KCNK7: variants seen among roughly 807,000 people sequenced by gnomAD.
KCNK7 encodes potassium two pore domain channel subfamily K member 7.
In KCNK7, 14 loss-of-function variants were observed where a neutral mutation model predicts 18.1. The observed-to-expected ratio is 0.77, with a 90% CI of 0.51 to 1.21. The LOEUF is 1.21. Ranked by LOEUF, KCNK7 falls within the 50% of genes most tolerant of loss-of-function variation. KCNK7 has a pLI of 0.00. For synonymous variants in KCNK7, 188 were observed against 184.7 expected (o/e 1.02, Z -0.15); for missense variants, 385 against 387.3 (o/e 0.99, Z 0.05).
chr11:65,595,369 G>T, intron 1 of KCNK7, 85 bp downstream of exon 1: 1 of 1,215,848 alleles, frequency 8.2e-7, no homozygotes, highest in Non-Finnish European at 1.1e-6. Flanking sequence ...GGGGCTGAAG[G>T]AAGGGCTGCA....
Position 65,593,025 on chromosome 11 carries a change from C to G in KCNK7, c.904G>C (p.Gly302Arg). 1 of 1,613,348 alleles carries G rather than the reference C, an allele frequency of 6.2e-7. No individual in the cohort carries two copies. Among genetic ancestry groups the G allele is most frequent in the Non-Finnish European group, 8.5e-7 (1 of 1,179,936 alleles). The change falls in exon 3 of 3, where the codon GGA becomes CGA. Residue 302 changes from glycine (G) to arginine (R), a missense_variant. Gly to Arg is a moderately radical substitution (Grantham distance 125, BLOSUM62 -2). Transcript: ENST00000340313. ...ACGCTTCAGCAAGCAGGGGCTTGTC[C>G]TGAAGCTGGGGCCGCGGGCGGCAGG... ...STLPPAAPAS[G>R]QAPAC
In KCNK7 at chr11:65,595,594, G is replaced by A. The variant is rs1854336659; in HGVS notation, c.179C>T (p.Pro60Leu). 1 of 1,594,370 alleles carries A rather than the reference G, an allele frequency of 6.3e-7. No homozygotes were observed. The highest frequency in any genetic ancestry group is 1.7e-5 in the Admixed American group (1 of 58,442). Reference sequence around the variant, plus strand: ...GCCCAGCAGCTCTTCCAGAGCTCCGGGTGGCAGGCAGGCCCTATGCTCTGC... The same window carrying A: ...GCCCAGCAGCTCTTCCAGAGCTCCGAGTGGCAGGCAGGCCCTATGCTCTGC... ...FQAEHRACLPPGALEELLGTA... is the reference protein window; with the variant it reads ...FQAEHRACLPLGALEELLGTA... Residue 60 changes from proline (P) to leucine (L), a missense_variant, in exon 1 of 3, where the codon CCC becomes CTC. Pro to Leu is a moderately conservative substitution (Grantham distance 98). Coordinates refer to ENST00000340313, the MANE Select transcript of KCNK7 (RefSeq NM_033347.2).
rs1331992508 is a variant in KCNK7, at chr11:65,592,953, T to C, written c.*52A>G. 1.9e-6 allele frequency: 3 copies of C among 1,576,520 alleles called. No homozygotes were observed. Among genetic ancestry groups the C allele is most frequent in the African/African-American group, 1.3e-5 (1 of 74,206 alleles). Reference sequence around the variant, plus strand: ...TTCTTCCCCAGCCACTCCTGGCTGCTTCCTCCTCAGGTGCCGCCACCTTAC... The same window carrying C: ...TTCTTCCCCAGCCACTCCTGGCTGCCTCCTCCTCAGGTGCCGCCACCTTAC... On this transcript the variant is annotated 3_prime_UTR_variant, in exon 3 of 3. Coordinates refer to ENST00000340313, the MANE Select transcript of KCNK7 (RefSeq NM_033347.2).
chr11:65,593,539 G>A lies in KCNK7; in HGVS notation c.655C>T (p.Leu219=), dbSNP rs1858478220. ...SLSTIGLEDL[L]PGRGRSLHPV... ...TGCAGGCTGCGGCCGCGGCCGGGCA[G>A]CAAGTCCTCCAGGCCAATGGTGCTG... The change falls in exon 2 of 3, where the codon CTG becomes TTG. Residue 219 remains leucine (L), a synonymous_variant. Coordinates refer to ENST00000340313, the MANE Select transcript of KCNK7 (RefSeq NM_033347.2). 1.2e-6 allele frequency: 2 copies of A among 1,611,444 alleles called. No homozygotes were observed. Among genetic ancestry groups the A allele is most frequent in the Admixed American group, 1.7e-5 (1 of 59,994 alleles).
chr11:65,594,939 T>C (rs190242305), intron 1 of KCNK7, among the ~76,000 whole-genome samples: 1 of 151,916 alleles, frequency 6.6e-6, no homozygotes, highest in East Asian at 1.9e-4. Flanking sequence ...GGGCAAAAAA[T>C]ACGAAAACCC....
At chr11:65,593,243 G>T in intron 2 of KCNK7, 33 bp from the exon 3 acceptor site, 1 of 1,613,388 alleles carries the variant, frequency 6.2e-7, no homozygotes, top group Non-Finnish European at 8.5e-7. Flanking sequence ...GCAGCGCCTG[G>T]GTTCTGGTGA....
chr11:65,593,454 G>A lies in KCNK7; in HGVS notation c.718+22C>T, dbSNP rs149170823. Reference sequence around the variant, plus strand: ...GCTCCTCTTCCCCCTTCCCCCACACGCTGTTAGGTGGCTGGACTTACCAAG... The same window carrying A: ...GCTCCTCTTCCCCCTTCCCCCACACACTGTTAGGTGGCTGGACTTACCAAG... On this transcript the variant is annotated intron_variant, in intron 2 of 2. Coordinates refer to ENST00000340313, the MANE Select transcript of KCNK7 (RefSeq NM_033347.2). 199 of 1,613,756 alleles carry A rather than the reference G, an allele frequency of 1.2e-4. 1 individual carries two copies. The Admixed American group carries it at 1.8e-3, about 15-fold the overall frequency.
chr11:65,593,765 G>T lies in KCNK7; in HGVS notation c.429C>A (p.Cys143Ter), dbSNP rs769136170. The change falls in exon 2 of 3, where the codon TGC (cysteine) becomes TGA (stop). Residue 143 changes from cysteine to a stop codon, truncating the protein, a stop_gained. Transcript: ENST00000340313. LOFTEE classifies it high-confidence loss of function. ...SLALVATLRH[C>*]LLPVLSRPRA... ...GTGGGCGGCTGAGCACAGGCAGCAG[G>T]CAATGGCGCAGGGTGGCCACGAGAG... 1 of 1,611,152 alleles carries T rather than the reference G, an allele frequency of 6.2e-7. No homozygotes were observed. The highest frequency in any genetic ancestry group is 1.1e-5 in the South Asian group (1 of 90,930).
At chr11:65,594,915 T>C in intron 1 of KCNK7, among the ~76,000 whole-genome samples, 1 of 151,954 alleles carries the variant, frequency 6.6e-6, no homozygotes, top group East Asian at 1.9e-4. Flanking sequence ...CAAAAAATAC[T>C]GAGACACTTT....
rs1383604253 is a variant in KCNK7, at chr11:65,593,850, G to A, written c.344C>T (p.Ser115Leu). The A allele has an allele frequency of 4.5e-6, 7 of 1,543,230 alleles. No individual in the cohort carries two copies. The highest frequency in any genetic ancestry group is 2.0e-5 in the Admixed American group (1 of 50,092). The change falls in exon 2 of 3, where the codon TCG becomes TTG. Residue 115 changes from serine to leucine, a missense_variant. Physicochemically the swap from Ser to Leu is moderately radical, Grantham distance 145. Coordinates refer to ENST00000340313, the MANE Select transcript of KCNK7 (RefSeq NM_033347.2). Reference protein sequence around the residue: ...TTGYGHMAPLSPGGKAFCMVY... With the variant: ...TTGYGHMAPLLPGGKAFCMVY... ...CATGCAGAAGGCCTTTCCGCCTGGC[G>A]ATAGTGGGGCCATGTGGCCATAACC...
chr11:65,595,670 G>T lies in KCNK7; in HGVS notation c.103C>A (p.Pro35Thr). The change falls in exon 1 of 3, where the codon CCT (proline) becomes ACT (threonine). Residue 35 changes from proline (P) to threonine (T), a missense_variant. Pro to Thr is a conservative substitution (Grantham distance 38). Coordinates refer to ENST00000340313, the MANE Select transcript of KCNK7 (RefSeq NM_033347.2). ...AVVFQALEGPPACRLQAELRA... is the reference protein window; with the variant it reads ...AVVFQALEGPTACRLQAELRA... ...AGCTCAGCCTGAAGCCTGCATGCAG[G>T]AGGCCCCTCCAGGGCCTGGAACACC... 1.2e-6 allele frequency: 2 copies of T among 1,604,434 alleles called. No individual in the cohort carries two copies. The highest frequency in any genetic ancestry group is 1.7e-6 in the Non-Finnish European group (2 of 1,175,782).
At chr11:65,594,499 C>T (rs543674054) in intron 1 of KCNK7, among the ~76,000 whole-genome samples, 10 of 152,326 alleles carry the variant, frequency 6.6e-5, no homozygotes, top group African/African-American at 2.4e-4. Flanking sequence ...GGGCAGGCCC[C>T]ATTCTGCTCC....
intron 1 of KCNK7, among the ~76,000 whole-genome samples, chr11:65,594,379 AG>A (rs1854308583): frequency 6.6e-6 from 1 of 152,230 alleles, no homozygotes; most frequent in South Asian, 2.1e-4. Flanking sequence ...CTGGGAGAAC[AG>A]GATCAGCTAA....
Position 65,595,542 on chromosome 11 carries a change from C to A in KCNK7, c.231G>T (p.Gly77=). ...CTGAGCTGTTGCCCAGGGTGGAGAC[C>A]CCATGGGCCTGGGTGGCCAGGGCAG... The part of the protein sequence containing the change: ...LGTALATQAH[G]VSTLGNSSEG... Residue 77 remains glycine, a synonymous_variant, in exon 1 of 3, where the codon GGG becomes GGT. Coordinates refer to ENST00000340313, the MANE Select transcript of KCNK7 (RefSeq NM_033347.2). 1 of 1,580,286 alleles carries A rather than the reference C, an allele frequency of 6.3e-7. No homozygotes were observed. Among genetic ancestry groups the A allele is most frequent in the Non-Finnish European group, 8.6e-7 (1 of 1,156,864 alleles).
At chr11:65,594,013 T>A in intron 1 of KCNK7, 139 bp from the exon 2 acceptor site, 19 of 852,974 alleles carry the variant, frequency 2.2e-5, no homozygotes, top group Admixed American at 1.4e-4. Context: ...TCTAGCTGGC[T>A]CTGCTCCTCT....
chr11:65,593,281 G>A, intron 2 of KCNK7, 71 bp from the exon 3 acceptor site: 1 of 1,613,572 alleles, frequency 6.2e-7, no homozygotes, highest in Non-Finnish European at 8.5e-7. Flanking sequence ...CCAGCGCAGT[G>A]ACTTGCCCTG....
At chr11:65,593,248 T>C in intron 2 of KCNK7, 38 bp from the exon 3 acceptor site, 1 of 1,613,358 alleles carries the variant, frequency 6.2e-7, no homozygotes, top group Non-Finnish European at 8.5e-7. Context: ...GCCTGGGTTC[T>C]GGTGATGCTC....
chr11:65,593,519 G>T lies in KCNK7; in HGVS notation c.675C>A (p.Ser225Arg). The change falls in exon 2 of 3, where the codon AGC becomes AGA. Residue 225 changes from serine to arginine, a missense_variant. Physicochemically the swap from Ser to Arg is moderately radical, Grantham distance 110 (BLOSUM62 -1). Coordinates refer to ENST00000340313, the MANE Select transcript of KCNK7 (RefSeq NM_033347.2). ...CCAGGTGGTAAATCACGGGGTGCAG[G>T]CTGCGGCCGCGGCCGGGCAGCAAGT... ...LEDLLPGRGR[S>R]LHPVIYHLGQ... is the part of the protein sequence containing the mutation. 1 of 1,612,964 alleles carries T rather than the reference G, an allele frequency of 6.2e-7. No homozygotes were observed. The highest frequency in any genetic ancestry group is 8.5e-7 in the Non-Finnish European group (1 of 1,180,006).
Position 65,593,824 on chromosome 11 carries a change from C to A in KCNK7, c.370G>T (p.Val124Phe), listed in dbSNP as rs751500403. The change falls in exon 2 of 3, where the codon GTC becomes TTC. Residue 124 changes from valine to phenylalanine, a missense_variant. By Grantham distance (50) the Val-to-Phe change is conservative. Transcript: ENST00000340313. ...GCTGGCAGCCCCAGGGCTGCATAGA[C>A]CATGCAGAAGGCCTTTCCGCCTGGC... ...LSPGGKAFCMVYAALGLPASL... is the reference protein window; with the variant it reads ...LSPGGKAFCMFYAALGLPASL... 8.2e-6 allele frequency: 13 copies of A among 1,576,290 alleles called. No homozygotes were observed. In the East Asian group the frequency reaches 2.7e-4, roughly 33 times the overall value.
Sources: allele counts gnomAD v4.1 joint callset (sites outside exome capture counted in the v4.1 genomes callset), GRCh38; gene constraint gnomAD v4.1.1; transcripts MANE v1.5; gene names NCBI Gene and HGNC (gene_info 2026-07-23, HGNC 2026-07-21).